The following ADAP1 variants were observed in gnomAD, a reference collection of about 807,000 sequenced individuals.
ADAP1 encodes the protein ArfGAP with dual PH domains 1.
A neutral mutation model predicts 54.9 loss-of-function variants in ADAP1; 31 were observed. The observed-to-expected ratio is 0.56, with a 90% CI of 0.42 to 0.76. The LOEUF (loss-of-function observed/expected upper bound fraction) is 0.76, where lower values mean the gene tolerates loss of function less well. ADAP1 is among the 30% of genes least tolerant of loss of function. The pLI is 0.00. For synonymous variants in ADAP1, 313 were observed against 202.6 expected (o/e 1.55, Z -4.63); for missense variants, 535 against 512.4 (o/e 1.04, Z -0.42).
intron 4 of ADAP1, among the ~76,000 whole-genome samples, chr7:917,310 C>G (rs1483661580): frequency 1.4e-5 from 1 of 71,946 alleles, no homozygotes; most frequent in East Asian, 3.9e-4. Context: ...GGAGGGGGGG[C>G]GCAGTGCCAG....
At chr7:954,029 C>A (rs1311705718) in intron 1 of ADAP1, among the ~76,000 whole-genome samples, 1 of 152,222 alleles carries the variant, frequency 6.6e-6, no homozygotes, top group Non-Finnish European at 1.5e-5. Flanking sequence ...CGGCCCGTTC[C>A]CTCCCTGCAG....
At chr7:905,655 A>AGAAAGGAGAAAGGGAAAGGAGAAAGG (rs1845193554) in intron 4 of ADAP1, 1 of 33,522 alleles carries the variant, frequency 3.0e-5, no homozygotes, top group Non-Finnish European at 5.7e-5. Flanking sequence ...AAGGGAAAGG[A>AGAAAGGAGAAAGGGAAAGGAGAAAGG]GAAAGGAGAA....
In ADAP1 at chr7:921,279, A is replaced by G. The variant is rs531911224; in HGVS notation, c.306-1229T>C. Reference sequence around the variant, plus strand: ...GTTTGGGCCCACCCTACTCCAGGACAACCTCACAACCTTATCTTAACCTGA... The same window carrying G: ...GTTTGGGCCCACCCTACTCCAGGACGACCTCACAACCTTATCTTAACCTGA... On this transcript the variant is annotated intron_variant, in intron 3 of 10. Coordinates refer to ENST00000265846, the MANE Select transcript of ADAP1 (RefSeq NM_006869.4). 2.0e-5 allele frequency among the ~76,000 whole-genome samples: 3 copies of G among 152,284 alleles called. No individual in the cohort carries two copies. The East Asian group carries it at 5.8e-4, about 29-fold the overall frequency.
At chr7:913,694 G>GGAGGCC (rs1483787312) in intron 4 of ADAP1, among the ~76,000 whole-genome samples, 2 of 152,000 alleles carry the variant, frequency 1.3e-5, no homozygotes, top group Non-Finnish European at 2.9e-5. Context: ...CAGCACTTTG[G>GGAGGCC]GAGGCCGAGG....
At chr7:914,467 G>A (rs1282465037) in intron 4 of ADAP1, among the ~76,000 whole-genome samples, 3 of 152,218 alleles carry the variant, frequency 2.0e-5, no homozygotes, top group Non-Finnish European at 4.4e-5. Flanking sequence ...AACTGGCGCT[G>A]GAGCCCTGTG....
chr7:905,418 A>AG lies in ADAP1; in HGVS notation c.389-247dup, dbSNP rs71020538. 2.5e-3 allele frequency: 193 copies of AG among 78,280 alleles called. 43 individuals carry two copies. The highest frequency in any genetic ancestry group is 0.011 in the South Asian group (75 of 6,934). The allele number at this position is 78,280 out of a possible 1,614,324, so 4.8% of individuals were successfully genotyped here. ...GAAAGGAGAAAGGAGAAAGGGAGAA[A>AG]GAGAAAGGAGAAAGGAGAAAGGGAG... On this transcript the variant is annotated intron_variant, in intron 4 of 10. Coordinates refer to ENST00000265846, the MANE Select transcript of ADAP1 (RefSeq NM_006869.4).
In ADAP1 at chr7:954,377, C is replaced by G. The variant is rs1257446531; in HGVS notation, c.82+19G>C. On this transcript the variant is annotated intron_variant, in intron 1 of 10. Coordinates refer to ENST00000265846, the MANE Select transcript of ADAP1 (RefSeq NM_006869.4). Reference sequence around the variant, plus strand: ...ACCCCGGACCCACCCGGCCCCGCGCCCACCCGGCCCACACCTACCCGGGGC... The same window carrying G: ...ACCCCGGACCCACCCGGCCCCGCGCGCACCCGGCCCACACCTACCCGGGGC... 9.4e-7 allele frequency: 1 copy of G among 1,068,156 alleles called. No homozygotes were observed. The highest frequency in any genetic ancestry group is 1.7e-5 in the African/African-American group (1 of 57,932). 66.2% of individuals were successfully genotyped at this position (1,068,156 alleles called of 1,614,324 possible).
Position 905,365 on chromosome 7 carries a change from G to GAGAAAGGA in ADAP1, c.389-194_389-193insTCCTTTCT, listed in dbSNP as rs71020536. On this transcript the variant is annotated intron_variant, in intron 4 of 10. Transcript: ENST00000265846. ...GAGATAGGAAGATGGGCAGGGAAAG[G>GAGAAAGGA]GAAAGGGAAAGGAGAAAGGAGAAAG... 4.2e-4 allele frequency: 55 copies of GAGAAAGGA among 131,578 alleles called. 8 individuals are homozygous for GAGAAAGGA. The African/African-American group carries it at 7.4e-3, about 18-fold the overall frequency. The allele number at this position is 131,578 out of a possible 1,614,324, so 8.2% of individuals were successfully genotyped here.
chr7:942,612 AAGGG>A (rs1165638518), intron 1 of ADAP1, among the ~76,000 whole-genome samples: 3 of 41,422 alleles, frequency 7.2e-5, no homozygotes, highest in African/African-American at 1.5e-4. Flanking sequence ...GAGGAGGAGG[AAGGG>A]AGAGAGGAGG....
Position 900,206 on chromosome 7 carries a change from C to T in ADAP1, c.733-42G>A, listed in dbSNP as rs369513186. On this transcript the variant is annotated intron_variant, in intron 7 of 10. Transcript: ENST00000265846. ...CAGGCAGGGGACCTCAGAAGTGCAG[C>T]TCAGGCCGAGCCCCTCCCTGGCTGT... 2.5e-6 allele frequency: 4 copies of T among 1,610,710 alleles called. No individual in the cohort carries two copies. The Admixed American group carries it at 5.0e-5, about 20-fold the overall frequency.
At chr7:905,418 A>AGG (rs71020538) in intron 4 of ADAP1, 8 of 78,344 alleles carry the variant, frequency 1.0e-4, no homozygotes, top group East Asian at 3.9e-4. Flanking sequence ...AAAGGGAGAA[A>AGG]GAGAAAGGAG....
rs199665210 is a variant in ADAP1 at position 905,192 on chromosome 7, C to G, written c.389-20G>C. ...GGTACCCTGTGGGGGAAAGGGGACA[C>G]GAGTCGGTGACAGTGGATGGGGGGG... On this transcript the variant is annotated intron_variant, in intron 4 of 10. Coordinates refer to ENST00000265846, the MANE Select transcript of ADAP1 (RefSeq NM_006869.4). 1 of 1,597,876 alleles carries G rather than the reference C, an allele frequency of 6.3e-7. No homozygotes were observed. The highest frequency in any genetic ancestry group is 8.5e-7 in the Non-Finnish European group (1 of 1,171,380).
intron 2 of ADAP1, among the ~76,000 whole-genome samples, chr7:932,238 G>A (rs1846606252): frequency 1.3e-5 from 2 of 152,166 alleles, no homozygotes; most frequent in African/African-American, 4.8e-5. Flanking sequence ...GGGGTTTCTT[G>A]GTAATACCCA....
chr7:935,485 T>C lies in ADAP1; in HGVS notation c.103A>G (p.Thr35Ala). ...CTCAGGCAGATGAAGACGCCCAGAG[T>C]GTAGGAGGCCCAGTCGGGATCTGCA... ...GAPDPDWASY[T>A]LGVFICLSCS... Residue 35 changes from threonine (T) to alanine (A), a missense_variant, in exon 2 of 11, where the codon ACT becomes GCT. Transcript: ENST00000265846. 4 of 1,562,352 alleles carry C rather than the reference T, an allele frequency of 2.6e-6. No individual in the cohort carries two copies. The highest frequency in any genetic ancestry group is 1.7e-6 in the Non-Finnish European group (2 of 1,153,820).
chr7:917,348 G>GGCGCAGT (rs1177693316), intron 4 of ADAP1, among the ~76,000 whole-genome samples: 1 of 151,094 alleles, frequency 6.6e-6, no homozygotes, highest in African/African-American at 2.4e-5. Flanking sequence ...ACGGGAGGGG[G>GGCGCAGT]GCGCAGTGCC....
At chr7:906,768 T>TCGGGGATGGGACATGGACAGGGGACAA (rs1554272472) in intron 4 of ADAP1, among the ~76,000 whole-genome samples, 1 of 24,706 alleles carries the variant, frequency 4.0e-5, no homozygotes, top group African/African-American at 1.2e-4. Flanking sequence ...ACAGGGGACA[T>TCGGGGATGGGACATGGACAGGGGACAA]GGGGGACAGG....
chr7:902,678 G>A (rs1042772883), intron 6 of ADAP1, among the ~76,000 whole-genome samples: 1 of 151,534 alleles, frequency 6.6e-6, no homozygotes, highest in East Asian at 2.0e-4. Context: ...GTGGAGGGAG[G>A]AAATCATTAG....
At chr7:932,532 G>A (rs149805913) in intron 2 of ADAP1, among the ~76,000 whole-genome samples, 4 of 152,296 alleles carry the variant, frequency 2.6e-5, no homozygotes, top group African/African-American at 4.8e-5. Context: ...ACTTGGAGAC[G>A]GGACACCCGT....
Position 935,487 on chromosome 7 carries a change from T to C in ADAP1, c.101A>G (p.Tyr34Cys), listed in dbSNP as rs906083999. ...CGAPDPDWAS[Y>C]TLGVFICLSC... Reference sequence around the variant, plus strand: ...CAGGCAGATGAAGACGCCCAGAGTGTAGGAGGCCCAGTCGGGATCTGCAAG... The same window carrying C: ...CAGGCAGATGAAGACGCCCAGAGTGCAGGAGGCCCAGTCGGGATCTGCAAG... Residue 34 changes from tyrosine (Y) to cysteine (C), a missense_variant, in exon 2 of 11, where the codon TAC becomes TGC. Transcript: ENST00000265846. 4 of 1,563,092 alleles carry C rather than the reference T, an allele frequency of 2.6e-6. No individual in the cohort carries two copies. The highest frequency in any genetic ancestry group is 2.6e-6 in the Non-Finnish European group (3 of 1,154,066).
Sources: allele counts gnomAD v4.1 joint callset (sites outside exome capture counted in the v4.1 genomes callset), GRCh38; gene constraint gnomAD v4.1.1; transcripts MANE v1.5; gene names NCBI Gene and HGNC (gene_info 2026-07-23, HGNC 2026-07-21).